The following RBBP8 variants were observed in gnomAD, a reference collection of about 807,000 sequenced individuals.
RBBP8 encodes the protein RB binding protein 8, endonuclease.
RBBP8 carries 88 observed loss-of-function variants against 108.3 expected under a neutral mutation model. That is an observed-to-expected ratio of 0.81 (90% CI 0.68 to 0.97). RBBP8 has a LOEUF of 0.97. Ranked by LOEUF, RBBP8 falls within the 50% of genes least tolerant of loss-of-function variation. The probability of loss-of-function intolerance (pLI) is 0.00; values close to 1 mark genes in which losing one functional copy is unlikely to be tolerated. For synonymous variants in RBBP8, 332 were observed against 348.2 expected (o/e 0.95, Z 0.52); for missense variants, 1,023 against 1,049.0 (o/e 0.98, Z 0.34).
chr18:22,953,538 G>C (rs1912222228), intron 4 of RBBP8, among the ~76,000 whole-genome samples: 1 of 152,146 alleles, frequency 6.6e-6, no homozygotes, highest in African/African-American at 2.4e-5. Flanking sequence ...GCCCCTTGAA[G>C]ACATTGCTTT....
chr18:23,023,416 A>T (rs1357848118), intron 18 of RBBP8, among the ~76,000 whole-genome samples: 1 of 152,218 alleles, frequency 6.6e-6, no homozygotes, highest in East Asian at 1.9e-4. Context: ...TGACACTTAC[A>T]TTTAATATAA....
chr18:22,969,643 T>C (rs1186502919), intron 5 of RBBP8, among the ~76,000 whole-genome samples: 1 of 152,150 alleles, frequency 6.6e-6, no homozygotes, highest in African/African-American at 2.4e-5. Context: ...AGAAAGAATA[T>C]AGCTTTATTC....
intron 4 of RBBP8, among the ~76,000 whole-genome samples, chr18:22,959,224 A>G (rs1025987609): frequency 2.0e-5 from 3 of 152,192 alleles, no homozygotes; most frequent in African/African-American, 7.2e-5. Context: ...TGTTTATTAT[A>G]TAGTTGATAT....
At chr18:22,930,829 T>C (rs746682984), upstream of RBBP8, among the ~76,000 whole-genome samples, 1 of 152,186 alleles carries the variant, frequency 6.6e-6, no homozygotes, top group Non-Finnish European at 1.5e-5. Context: ...TGGAGTACAG[T>C]GGCACAATCA....
chr18:22,996,252 A>T (rs2045855172), intron 12 of RBBP8, 122 bp from the exon 13 acceptor site: 2 of 1,461,054 alleles, frequency 1.4e-6, no homozygotes, highest in African/African-American at 2.8e-5. Flanking sequence ...TCTTAGATAT[A>T]AGTCCTTTAC....
intron 6 of RBBP8, among the ~76,000 whole-genome samples, chr18:22,981,779 C>G (rs1212337251): frequency 6.6e-6 from 1 of 152,230 alleles, no homozygotes; most frequent in Non-Finnish European, 1.5e-5. Flanking sequence ...CCCAATCTTG[C>G]ACAATACTGT....
At chr18:22,938,434 G>A (rs1392543753) in intron 2 of RBBP8, among the ~76,000 whole-genome samples, 1 of 152,032 alleles carries the variant, frequency 6.6e-6, no homozygotes, top group African/African-American at 2.4e-5. Context: ...GTGATCTCCC[G>A]CCTTGGCCTC....
Position 22,993,660 on chromosome 18 carries a change from G to C in RBBP8, c.1812+21G>C, listed in dbSNP as rs779808326. The C allele has an allele frequency of 3.1e-5, 50 of 1,614,196 alleles. No individual in the cohort carries two copies. The South Asian group carries it at 4.7e-4, about 15-fold the overall frequency. The stretch of plus-strand genomic sequence containing the variant: ...TAAAGGTTTGTGTTAAATGTTCAAG[G>C]ATTTTGATTAAAATGATTGCTTGTG... On this transcript the variant is annotated intron_variant, in intron 11 of 18. Coordinates refer to ENST00000327155, the MANE Select transcript of RBBP8 (RefSeq NM_002894.3).
chr18:22,948,928 G>A (rs1911794434), intron 3 of RBBP8, among the ~76,000 whole-genome samples: 2 of 152,146 alleles, frequency 1.3e-5, no homozygotes, highest in Non-Finnish European at 2.9e-5. Flanking sequence ...AAGGTAATCA[G>A]GTTTAAGTAG....
upstream of RBBP8, among the ~76,000 whole-genome samples, chr18:22,930,422 T>C (rs1598625422): frequency 6.6e-6 from 1 of 152,208 alleles, no homozygotes; most frequent in Admixed American, 6.5e-5. Context: ...GGAAGTACTG[T>C]CCTAAGCCAC....
Position 23,002,547 on chromosome 18 carries a change from C to T in RBBP8, c.2287+818C>T, listed in dbSNP as rs1050053276. On this transcript the variant is annotated intron_variant, in intron 15 of 18. Transcript: ENST00000327155. Reference sequence around the variant, plus strand: ...ATATCTCTTTCATTAGAAGCAGTAACTTTATAATGTAGGATAGCAATCAGA... The same window carrying T: ...ATATCTCTTTCATTAGAAGCAGTAATTTTATAATGTAGGATAGCAATCAGA... 3.3e-5 allele frequency among the ~76,000 whole-genome samples: 5 copies of T among 152,208 alleles called. No individual in the cohort carries two copies. The East Asian group carries it at 7.7e-4, about 23-fold the overall frequency.
chr18:22,949,921 T>TA (rs1288731735), intron 4 of RBBP8: 2 of 506,086 alleles, frequency 4.0e-6, no homozygotes, highest in Non-Finnish European at 7.0e-6. Context: ...CTTTAAATGA[T>TA]ATCTTTATCT....
At chr18:23,022,098 A>G (rs1441991424) in intron 17 of RBBP8, 31 bp from the exon 18 acceptor site, 2 of 1,510,082 alleles carry the variant, frequency 1.3e-6, no homozygotes, top group South Asian at 2.3e-5. Flanking sequence ...ATTATTCTTT[A>G]GTGAAAAAAC....
At position 22,947,164 on chromosome 18, in the gene RBBP8, A is replaced by G. The variant is rs77651705; in HGVS notation, c.152+678A>G. ...TCTGGAATATAGACTATTCACCTTC[A>G]GATAAACTCTTGTTTTCTTTTAAAA... is the stretch of plus-strand genomic sequence containing the variant. On this transcript the variant is annotated intron_variant, in intron 3 of 18. Coordinates refer to ENST00000327155, the MANE Select transcript of RBBP8 (RefSeq NM_002894.3). Among the ~76,000 whole-genome samples the G allele has an allele frequency of 1.8e-3, 279 of 152,222 alleles. 1 individual carries two copies. Among genetic ancestry groups the G allele is most frequent in the South Asian group, 0.016 (75 of 4,830 alleles).
intron 3 of RBBP8, 134 bp from the exon 4 acceptor site, chr18:22,949,484 G>A (rs750130013): frequency 7.3e-5 from 50 of 685,962 alleles, no homozygotes; most frequent in Middle Eastern, 4.0e-4. Context: ...TGATTTACAA[G>A]ATATTCCAAC....
chr18:22,948,002 C>G (rs1911712908), intron 3 of RBBP8, among the ~76,000 whole-genome samples: 3 of 152,026 alleles, frequency 2.0e-5, no homozygotes, highest in African/African-American at 7.2e-5. Flanking sequence ...ACTACTATTA[C>G]AGAGTTCTGT....
chr18:22,935,462 C>T (rs1409677163), intron 1 of RBBP8, among the ~76,000 whole-genome samples: 2 of 151,048 alleles, frequency 1.3e-5, no homozygotes, highest in Non-Finnish European at 2.9e-5. Flanking sequence ...AAATCCAGCT[C>T]ATATTTAGTT....
At chr18:23,020,611 T>C (rs985459778) in intron 17 of RBBP8, among the ~76,000 whole-genome samples, 1 of 152,092 alleles carries the variant, frequency 6.6e-6, no homozygotes, top group Non-Finnish European at 1.5e-5. Flanking sequence ...TAAATAATCT[T>C]TTTAGAATAA....
intron 16 of RBBP8, among the ~76,000 whole-genome samples, chr18:23,007,021 CTTTTTT>C (rs540477870): frequency 1.5e-5 from 2 of 134,784 alleles, no homozygotes; most frequent in South Asian, 2.4e-4. Flanking sequence ...GTGTGTATTT[CTTTTTT>C]TTTTTTTTTT....
Sources: allele counts gnomAD v4.1 joint callset (sites outside exome capture counted in the v4.1 genomes callset), GRCh38; gene constraint gnomAD v4.1.1; transcripts MANE v1.5; gene names NCBI Gene and HGNC (gene_info 2026-07-23, HGNC 2026-07-21).